The following KCNMA1 variants were observed in gnomAD, a reference collection of about 807,000 sequenced individuals.
KCNMA1 encodes Calcium-activated potassium channel subunit alpha-1.
A neutral mutation model predicts 140.0 loss-of-function variants in KCNMA1; 29 were observed. The observed-to-expected ratio is 0.21, with a 90% CI of 0.15 to 0.28. The LOEUF is 0.28. KCNMA1 is among the 10% of genes least tolerant of loss of function. The probability of loss-of-function intolerance (pLI) is 1.00; values close to 1 mark genes in which losing one functional copy is unlikely to be tolerated. For synonymous variants in KCNMA1, 612 were observed against 611.9 expected (o/e 1.00, Z 0.00); for missense variants, 880 against 1,602.2 (o/e 0.55, Z 7.70).
At chr10:77,235,703 C>T (rs192687856) in intron 3 of KCNMA1, among the ~76,000 whole-genome samples, 118 of 152,190 alleles carry the variant, frequency 7.8e-4, no homozygotes, top group Non-Finnish European at 7.2e-4. Context: ...AATCTGGAAG[C>T]ATCCACTTCA....
At chr10:77,113,756 G>A (rs977380269) in intron 6 of KCNMA1, among the ~76,000 whole-genome samples, 5 of 152,100 alleles carry the variant, frequency 3.3e-5, no homozygotes, top group Non-Finnish European at 4.4e-5. Flanking sequence ...GATCCACCGC[G>A]CCCAGCCCAG....
At chr10:77,617,529 T>A (rs918096926) in intron 1 of KCNMA1, among the ~76,000 whole-genome samples, 1 of 152,088 alleles carries the variant, frequency 6.6e-6, no homozygotes, top group Admixed American at 6.6e-5. Flanking sequence ...CAGACAGGGA[T>A]AAGAAGAGGC....
intron 16 of KCNMA1, chr10:77,020,298 T>G (rs375029902): frequency 2.6e-5 from 4 of 152,322 alleles, no homozygotes; most frequent in East Asian, 1.9e-4. Context: ...GTGATACGTC[T>G]GTAGTCATAC....
chr10:77,034,243 CAAAAAAAAAA>C (rs1187442257), intron 15 of KCNMA1, among the ~76,000 whole-genome samples: 5 of 71,586 alleles, frequency 7.0e-5, no homozygotes, highest in Non-Finnish European at 1.2e-4. Flanking sequence ...GACTCCATCT[CAAAAAAAAAA>C]AAAAAAAAAG....
At chr10:77,252,434 T>C (rs572515438) in intron 2 of KCNMA1, among the ~76,000 whole-genome samples, 1 of 152,260 alleles carries the variant, frequency 6.6e-6, no homozygotes, top group East Asian at 1.9e-4. Flanking sequence ...GAAGTCAGTC[T>C]CCTCAGTGTC....
At chr10:77,019,601 C>A (rs61868789) in intron 16 of KCNMA1, 9,514 of 155,426 alleles carry the variant, frequency 0.061, 403 homozygotes, top group Non-Finnish European at 0.093. Context: ...TACAAGACAC[C>A]CGTAACCAAT....
At chr10:77,063,721 C>T (rs180696664) in intron 14 of KCNMA1, 330 of 984,836 alleles carry the variant, frequency 3.4e-4, no homozygotes, top group Middle Eastern at 5.2e-4. Flanking sequence ...TAGGACTTTG[C>T]GATTTTCATG....
At chr10:77,481,685 G>A (rs538129430) in intron 1 of KCNMA1, among the ~76,000 whole-genome samples, 1 of 151,452 alleles carries the variant, frequency 6.6e-6, no homozygotes, top group South Asian at 2.1e-4. Context: ...TGAGACAGGA[G>A]AATGGCGTGA....
At chr10:77,608,402 G>A (rs1244194978) in intron 1 of KCNMA1, among the ~76,000 whole-genome samples, 1 of 152,054 alleles carries the variant, frequency 6.6e-6, no homozygotes, top group Non-Finnish European at 1.5e-5. Flanking sequence ...TCAAACTCCT[G>A]GGCTCAAGCG....
intron 26 of KCNMA1, among the ~76,000 whole-genome samples, chr10:76,890,397 T>A (rs997800800): frequency 2.6e-5 from 4 of 152,134 alleles, no homozygotes; most frequent in Non-Finnish European, 5.9e-5. Context: ...CTCATATTGG[T>A]CTCATACCAA....
intron 19 of KCNMA1, among the ~76,000 whole-genome samples, chr10:76,993,756 G>C (rs1392547414): frequency 6.6e-6 from 1 of 152,218 alleles, no homozygotes; most frequent in Non-Finnish European, 1.5e-5. Context: ...GTGTCGCACT[G>C]TCTAAAGACT....
intron 23 of KCNMA1, among the ~76,000 whole-genome samples, chr10:76,944,177 C>A (rs1224868566): frequency 6.6e-6 from 1 of 152,176 alleles, no homozygotes; most frequent in African/African-American, 2.4e-5. Context: ...GGTCCCAAAG[C>A]AAATGACAGG....
chr10:77,537,219 TC>T (rs2154554145), intron 1 of KCNMA1, among the ~76,000 whole-genome samples: 1 of 152,188 alleles, frequency 6.6e-6, no homozygotes. Context: ...CCTCTTCTGC[TC>T]CATTGCTTCC....
chr10:77,360,098 A>C (rs67734810), intron 2 of KCNMA1, among the ~76,000 whole-genome samples: 30,224 of 152,240 alleles, frequency 0.2, 3,281 homozygotes, highest in East Asian at 0.33. Context: ...GATAGTTTAA[A>C]TATTTCTTGG....
chr10:77,007,429 C>T (rs951674690), intron 18 of KCNMA1, among the ~76,000 whole-genome samples: 1 of 151,906 alleles, frequency 6.6e-6, no homozygotes, highest in African/African-American at 2.4e-5. Context: ...ATAATAATTA[C>T]CACTGTGCAA....
At chr10:77,521,180 G>A (rs2053265356) in intron 1 of KCNMA1, among the ~76,000 whole-genome samples, 1 of 152,160 alleles carries the variant, frequency 6.6e-6, no homozygotes, top group Non-Finnish European at 1.5e-5. Flanking sequence ...AAGGCCCTGA[G>A]GTGCATAAAA....
chr10:77,206,811 GAGGGA>G (rs1388714366), intron 3 of KCNMA1, among the ~76,000 whole-genome samples: 2 of 149,484 alleles, frequency 1.3e-5, no homozygotes, highest in African/African-American at 2.4e-5. Flanking sequence ...GGGAGGCAGG[GAGGGA>G]GGGGGGGGCG....
chr10:77,011,840 G>A, intron 18 of KCNMA1, 127 bp downstream of exon 18: 1 of 842,766 alleles, frequency 1.2e-6, no homozygotes, highest in South Asian at 1.4e-5. Flanking sequence ...AAACTGCTGG[G>A]TGAAACATAA....
At chr10:77,378,439 G>A (rs1231959944) in intron 2 of KCNMA1, among the ~76,000 whole-genome samples, 2 of 152,222 alleles carry the variant, frequency 1.3e-5, no homozygotes, top group African/African-American at 2.4e-5. Flanking sequence ...CCACCAAGCG[G>A]GTTAGCTCAC....
Sources: gnomAD v4.1 joint callset for allele counts (sites outside exome capture counted in the v4.1 genomes callset) on GRCh38, gnomAD v4.1.1 for gene constraint, MANE v1.5 for transcripts, NCBI Gene and HGNC (gene_info 2026-07-23, HGNC 2026-07-21) for gene names.